GALNTL6: variants seen among roughly 807,000 people sequenced by gnomAD.
GALNTL6 encodes the protein polypeptide N-acetylgalactosaminyltransferase-like 6.
In GALNTL6, 46 loss-of-function variants were observed where a neutral mutation model predicts 73.7. The ratio of observed to expected loss-of-function variants is 0.62; its 90% CI spans 0.49 to 0.80. The LOEUF is 0.80. Among genes scored for constraint, GALNTL6 ranks in the 30% least tolerant of loss-of-function variants. The pLI is 0.00. For missense variants in GALNTL6, 604 were observed against 755.0 expected (o/e 0.80, Z 2.34); for synonymous variants, 259 against 263.7 (o/e 0.98, Z 0.17).
chr4:171,863,490 GGCTCTA>G (rs1735889511), intron 2 of GALNTL6, among the ~76,000 whole-genome samples: 1 of 151,942 alleles, frequency 6.6e-6, no homozygotes, highest in Non-Finnish European at 1.5e-5. Flanking sequence ...AAGACATTCT[GGCTCTA>G]GTTTTTTGCC....
chr4:173,025,240 C>A (rs1365715166), intron 12 of GALNTL6, among the ~76,000 whole-genome samples: 1 of 152,160 alleles, frequency 6.6e-6, no homozygotes, highest in East Asian at 1.9e-4. Context: ...GAATCCTGTT[C>A]CTGGTTTTCT....
intron 2 of GALNTL6, among the ~76,000 whole-genome samples, chr4:172,019,127 A>G (rs1469056338): frequency 6.6e-6 from 1 of 152,106 alleles, no homozygotes; most frequent in East Asian, 1.9e-4. Context: ...TTCTTTCAGA[A>G]TATCTGTGAA....
intron 7 of GALNTL6, among the ~76,000 whole-genome samples, chr4:172,876,105 C>G (rs1231824762): frequency 6.6e-6 from 1 of 152,184 alleles, no homozygotes; most frequent in Non-Finnish European, 1.5e-5. Flanking sequence ...CTGACATACA[C>G]AAGATTTCCA....
chr4:172,209,607 A>T (rs1219352805), intron 2 of GALNTL6, among the ~76,000 whole-genome samples: 1 of 152,096 alleles, frequency 6.6e-6, no homozygotes, highest in African/African-American at 2.4e-5. Flanking sequence ...ACAGATGTCC[A>T]CAACTGTCAC....
chr4:172,411,825 G>A (rs1032173022), intron 5 of GALNTL6, among the ~76,000 whole-genome samples: 1 of 152,028 alleles, frequency 6.6e-6, no homozygotes, highest in Non-Finnish European at 1.5e-5. Flanking sequence ...CTATGTGCCA[G>A]TTGCTTTATA....
chr4:171,823,869 T>A (rs1162540655), intron 2 of GALNTL6, among the ~76,000 whole-genome samples: 3 of 150,862 alleles, frequency 2.0e-5, no homozygotes, highest in Non-Finnish European at 4.4e-5. Flanking sequence ...GGGTGGGTGG[T>A]GGTACTTATT....
intron 2 of GALNTL6, among the ~76,000 whole-genome samples, chr4:171,874,608 C>T (rs1018036891): frequency 6.6e-6 from 1 of 152,010 alleles, no homozygotes; most frequent in African/African-American, 2.4e-5. Context: ...GATGGGGTCC[C>T]GTAAAATCAT....
chr4:171,930,477 A>G (rs996879693), intron 2 of GALNTL6, among the ~76,000 whole-genome samples: 3 of 152,190 alleles, frequency 2.0e-5, no homozygotes, highest in Admixed American at 1.3e-4. Context: ...AATAAAAGCC[A>G]TATATGGCAA....
At chr4:171,960,434 T>C (rs1739186722) in intron 2 of GALNTL6, among the ~76,000 whole-genome samples, 1 of 151,920 alleles carries the variant, frequency 6.6e-6, no homozygotes, top group South Asian at 2.1e-4. Context: ...CATGCCACCA[T>C]GCTCAGTGAA....
At chr4:172,894,501 A>C (rs1170244159) in intron 8 of GALNTL6, among the ~76,000 whole-genome samples, 1 of 152,120 alleles carries the variant, frequency 6.6e-6, no homozygotes, top group Non-Finnish European at 1.5e-5. Flanking sequence ...ACAGTTTACA[A>C]AGTTTTGCTT....
intron 5 of GALNTL6, among the ~76,000 whole-genome samples, chr4:172,798,666 G>C (rs767910932): frequency 2.0e-5 from 3 of 152,080 alleles, no homozygotes; most frequent in Non-Finnish European, 4.4e-5. Context: ...TCTCCCAAAA[G>C]GTTACTTATC....
At chr4:171,932,802 C>G (rs1738226343) in intron 2 of GALNTL6, among the ~76,000 whole-genome samples, 1 of 152,136 alleles carries the variant, frequency 6.6e-6, no homozygotes, top group Admixed American at 6.5e-5. Context: ...TTATACATAG[C>G]AACACAAATG....
intron 2 of GALNTL6, among the ~76,000 whole-genome samples, chr4:171,950,361 G>A (rs1364548449): frequency 1.3e-5 from 2 of 152,034 alleles, no homozygotes; most frequent in East Asian, 3.9e-4. Context: ...AGTTAACGTA[G>A]GTTAAAAAAG....
chr4:172,214,403 T>G (rs1370031845), intron 2 of GALNTL6, among the ~76,000 whole-genome samples: 1 of 152,170 alleles, frequency 6.6e-6, no homozygotes, highest in East Asian at 1.9e-4. Flanking sequence ...CACTAGAGAT[T>G]TATCAATTTC....
rs745474364 is a variant in GALNTL6 at position 172,067,722 on chromosome 4, T to C, written c.139-161934T>C. 5.4e-5 allele frequency among the ~76,000 whole-genome samples: 6 copies of C among 110,354 alleles called. 1 individual carries two copies. Among genetic ancestry groups the C allele is most frequent in the Non-Finnish European group, 1.2e-4 (6 of 49,592 alleles). The allele number at this position is 110,354 out of a possible 152,430, so 72.4% of individuals were successfully genotyped here. A position where few individuals can be genotyped will look rare whatever the true frequency, so the allele number is the denominator to read the frequency against. Reference sequence around the variant, plus strand: ...GGTTCTATCCTTTGGTGAGTGACAGTCCAATGATCATTACCAAGGAAAATT... The same window carrying C: ...GGTTCTATCCTTTGGTGAGTGACAGCCCAATGATCATTACCAAGGAAAATT... On this transcript the variant is annotated intron_variant, in intron 2 of 12. Transcript: ENST00000506823.
chr4:171,993,856 A>G (rs1740410884), intron 2 of GALNTL6, among the ~76,000 whole-genome samples: 1 of 151,828 alleles, frequency 6.6e-6, no homozygotes, highest in Admixed American at 6.6e-5. Context: ...ATGTGGAGTA[A>G]AAATGCAATA....
intron 5 of GALNTL6, among the ~76,000 whole-genome samples, chr4:172,759,487 C>T (rs982020431): frequency 5.3e-5 from 8 of 152,218 alleles, no homozygotes; most frequent in Non-Finnish European, 8.8e-5. Flanking sequence ...TCATATATGT[C>T]ATACCACTGA....
chr4:172,535,684 C>T (rs1438093905), intron 5 of GALNTL6, among the ~76,000 whole-genome samples: 1 of 152,010 alleles, frequency 6.6e-6, no homozygotes. Context: ...TTAAATGTGT[C>T]ACTGTATACT....
intron 5 of GALNTL6, among the ~76,000 whole-genome samples, chr4:172,578,645 A>C (rs1003174802): frequency 1.3e-5 from 2 of 152,226 alleles, no homozygotes; most frequent in Non-Finnish European, 2.9e-5. Context: ...TGATTTATTG[A>C]ACAATTTGAT....
Sources: allele counts gnomAD v4.1 joint callset (sites outside exome capture counted in the v4.1 genomes callset), GRCh38; gene constraint gnomAD v4.1.1; transcripts MANE v1.5; gene names NCBI Gene and HGNC (gene_info 2026-07-23, HGNC 2026-07-21).